Variants in ZNF821 observed in about 807,000 individuals in gnomAD.
ZNF821 encodes the protein zinc finger protein 821.
In ZNF821, 16 loss-of-function variants were observed where a neutral mutation model predicts 44.3. The observed-to-expected ratio is 0.36, with a 90% CI of 0.24 to 0.55. ZNF821 has a LOEUF of 0.55. Among genes scored for constraint, ZNF821 ranks in the 20% least tolerant of loss-of-function variants. The pLI is 0.86. For synonymous variants in ZNF821, 204 were observed against 197.6 expected (o/e 1.03, Z -0.27); for missense variants, 436 against 547.6 (o/e 0.80, Z 2.03).
chr16:71,868,303 A>C (rs1368077866), intron 3 of ZNF821, among the ~76,000 whole-genome samples: 1 of 152,214 alleles, frequency 6.6e-6, no homozygotes, highest in East Asian at 1.9e-4. Context: ...ATCAACTGCT[A>C]CTTCACAAAT....
chr16:71,873,787 G>A (rs918313009), intron 3 of ZNF821, among the ~76,000 whole-genome samples: 8 of 151,702 alleles, frequency 5.3e-5, no homozygotes, highest in Admixed American at 6.6e-5. Flanking sequence ...CTAAAGTATT[G>A]GGATTACAGG....
intron 5 of ZNF821, among the ~76,000 whole-genome samples, chr16:71,864,573 TG>T (rs2034312185): frequency 6.6e-6 from 1 of 152,196 alleles, no homozygotes; most frequent in African/African-American, 2.4e-5. Flanking sequence ...GGTGACACCT[TG>T]ACTTAGATTT....
In ZNF821 at chr16:71,879,962, G is replaced by C. The variant is rs764867087; in HGVS notation, c.-16C>G. The C allele has an allele frequency of 6.2e-7, 1 of 1,612,818 alleles. No individual in the cohort carries two copies. Among genetic ancestry groups the C allele is most frequent in the Non-Finnish European group, 8.5e-7 (1 of 1,179,538 alleles). On this transcript the variant is annotated 5_prime_UTR_variant, in exon 3 of 8. Coordinates refer to ENST00000425432, the MANE Select transcript of ZNF821 (RefSeq NM_001201552.2). The stretch of plus-strand genomic sequence containing the variant: ...GACGGGACATGTTTCCCTGATGCAA[G>C]AGCTCTGGTCTTTCCCAGTTTCACG...
intron 5 of ZNF821, chr16:71,864,673 GGAAA>G (rs2034324710): frequency 1.9e-6 from 1 of 522,198 alleles, no homozygotes; most frequent in African/African-American, 1.9e-5. Flanking sequence ...GGGAGCTGCA[GGAAA>G]GAGAGCTGTG....
chr16:71,881,851 A>T (rs1209180451), intron 2 of ZNF821: 1 of 152,198 alleles, frequency 6.6e-6, no homozygotes, highest in East Asian at 1.9e-4. Flanking sequence ...ACACCTGTAA[A>T]TTCCAGCTAC....
At chr16:71,894,716 T>TTTTTTGG in intron 1 of ZNF821, 2 of 557,206 alleles carry the variant, frequency 3.6e-6, no homozygotes, top group South Asian at 5.0e-5. Context: ...TTTTTTTTTT[T>TTTTTTGG]GTAGCGATGC....
rs544797495 is a variant in ZNF821 at position 71,860,949 on chromosome 16, A to G, written c.585-277T>C. Among the ~76,000 whole-genome samples the G allele has an allele frequency of 1.3e-5, 2 of 150,010 alleles. No individual in the cohort carries two copies. The highest frequency in any genetic ancestry group is 3.0e-5 in the Non-Finnish European group (2 of 67,754). On this transcript the variant is annotated intron_variant, in intron 7 of 7. Transcript: ENST00000425432. This position sits in a 1 kb window ranked among gnomAD's most constrained non-coding sequence, Gnocchi z 7.3. Reference sequence around the variant, plus strand: ...CAGCTCACTGCAACCTCCGCCTCCTAGGTTCAAGCCATTCTCCTGCCTCAG... The same window carrying G: ...CAGCTCACTGCAACCTCCGCCTCCTGGGTTCAAGCCATTCTCCTGCCTCAG...
At position 71,864,168 on chromosome 16, in the gene ZNF821, G is replaced by C; in HGVS notation, c.387C>G (p.Ser129Arg). The change falls in exon 6 of 8, where the codon AGC becomes AGG. Residue 129 changes from serine (S) to arginine (R), a missense_variant. Ser to Arg is a moderately radical substitution (Grantham distance 110, BLOSUM62 -1). Around this residue, in one of 5 missense-constraint regions of ZNF821, gnomAD observed 238 missense variants for 281.4 expected, o/e 0.85. Transcript: ENST00000425432. ...ACACGTGAGCAATCAACTGCTCCCG[G>C]CTCCCGCAGTCTAGCTGGCAGAGGG... The part of the protein sequence containing the change: ...QCPLCQLDCG[S>R]REQLIAHVYQ... 6.2e-7 allele frequency: 1 copy of C among 1,614,160 alleles called. No homozygotes were observed. The highest frequency in any genetic ancestry group is 8.5e-7 in the Non-Finnish European group (1 of 1,180,034).
chr16:71,895,043 C>A lies in ZNF821; in HGVS notation n.294G>T, dbSNP rs2036933607. On this transcript the variant is annotated non_coding_transcript_exon_variant, in exon 1 of 3. Transcript: ENST00000561700. The stretch of plus-strand genomic sequence containing the variant: ...TAGAGCCCGTAGAGGGACACGGAGG[C>A]GCTGGGTGAAGAGTCAGGGATACGC... 3.5e-5 allele frequency: 17 copies of A among 490,758 alleles called. No individual in the cohort carries two copies. In the South Asian group the frequency reaches 4.1e-4, roughly 12 times the overall value. The allele number at this position is 490,758 out of a possible 1,614,324, so 30.4% of individuals were successfully genotyped here. A position where few individuals can be genotyped will look rare whatever the true frequency, so the allele number is the denominator to read the frequency against.
chr16:71,877,841 G>A (rs1359279869), intron 3 of ZNF821, among the ~76,000 whole-genome samples: 2 of 151,004 alleles, frequency 1.3e-5, no homozygotes, highest in Non-Finnish European at 3.0e-5. Flanking sequence ...GATCGCTTGA[G>A]CCCAGGAGGT....
At chr16:71,883,794 GC>G in intron 1 of ZNF821, 113 bp downstream of exon 1, 1 of 152,636 alleles carries the variant, frequency 6.6e-6, no homozygotes, top group Non-Finnish European at 1.5e-5. Context: ...GCCGGAGCTG[GC>G]CCCCGGCCCT....
intron 3 of ZNF821, among the ~76,000 whole-genome samples, chr16:71,869,158 G>A (rs1384565537): frequency 6.6e-6 from 1 of 152,162 alleles, no homozygotes; most frequent in Admixed American, 6.5e-5. Context: ...ATCTCAGTCA[G>A]AGTAGAAACT....
At chr16:71,873,772 A>C (rs761616580) in intron 3 of ZNF821, among the ~76,000 whole-genome samples, 3 of 151,400 alleles carry the variant, frequency 2.0e-5, no homozygotes, top group Non-Finnish European at 4.4e-5. Flanking sequence ...TCTCACCTCA[A>C]CCTCCTAAAG....
At chr16:71,875,398 T>TA (rs374123690) in intron 3 of ZNF821, among the ~76,000 whole-genome samples, 3 of 152,014 alleles carry the variant, frequency 2.0e-5, no homozygotes, top group Non-Finnish European at 4.4e-5. Context: ...TCTCCCGTGT[T>TA]AGTCTCCTGA....
chr16:71,888,529 G>C (rs1464287406), upstream of ZNF821, among the ~76,000 whole-genome samples: 2 of 152,136 alleles, frequency 1.3e-5, no homozygotes, highest in Non-Finnish European at 2.9e-5. Context: ...TGTAAAGACT[G>C]TTCTTTCCCC....
intron 2 of ZNF821, among the ~76,000 whole-genome samples, chr16:71,882,568 T>C (rs1327897471): frequency 6.6e-6 from 1 of 152,188 alleles, no homozygotes; most frequent in East Asian, 1.9e-4. Context: ...CCGCTGCATC[T>C]TATAATCCTC....
chr16:71,879,196 A>T (rs1045704369), intron 3 of ZNF821, among the ~76,000 whole-genome samples: 1 of 152,168 alleles, frequency 6.6e-6, no homozygotes, highest in African/African-American at 2.4e-5. Context: ...CTCTAACCTC[A>T]CATCTTCTGA....
At chr16:71,883,535 G>A (rs1020050837) in intron 1 of ZNF821, 3 of 222,162 alleles carry the variant, frequency 1.4e-5, no homozygotes, top group Admixed American at 1.1e-4. Context: ...ACCCAGACGC[G>A]GGGACTGATA....
chr16:71,878,111 G>GTTTTTTTTTTT (rs2036032299), intron 3 of ZNF821, among the ~76,000 whole-genome samples: 1 of 108,206 alleles, frequency 9.2e-6, no homozygotes, highest in African/African-American at 3.2e-5. Flanking sequence ...GGAACTATTT[G>GTTTTTTTTTTT]TCTTTTTTTT....
Sources: allele counts gnomAD v4.1 joint callset (sites outside exome capture counted in the v4.1 genomes callset), GRCh38; gene constraint gnomAD v4.1.1; regional missense constraint gnomAD v4.1.1; non-coding constraint Gnocchi (gnomAD v3.1); transcripts MANE v1.5; gene names NCBI Gene and HGNC (gene_info 2026-07-23, HGNC 2026-07-21).